Variants in ACACA observed in about 807,000 individuals in gnomAD.
ACACA encodes the protein acetyl-CoA carboxylase alpha.
In ACACA, 103 loss-of-function variants were observed where a neutral mutation model predicts 296.1. The observed-to-expected ratio is 0.35, with a 90% CI of 0.30 to 0.41. The LOEUF (loss-of-function observed/expected upper bound fraction) is 0.41, where lower values mean the gene tolerates loss of function less well. Ranked by LOEUF, ACACA falls within the 10% of genes least tolerant of loss-of-function variation. ACACA has a pLI of 1.00. For synonymous variants in ACACA, 953 were observed against 1,038.6 expected, an observed-to-expected ratio of 0.92 and a Z score of 1.58; for missense variants, 1,554 against 2,989.7, an observed-to-expected ratio of 0.52 and a Z score of 11.20.
intron 1 of ACACA, among the ~76,000 whole-genome samples, chr17:37,355,520 C>A (rs571955996): frequency 1.3e-5 from 2 of 151,750 alleles, no homozygotes; most frequent in Admixed American, 1.3e-4. Context: ...CACACCATTG[C>A]ACTCCAGCCT....
intron 1 of ACACA, among the ~76,000 whole-genome samples, chr17:37,380,603 T>G (rs2050206803): frequency 6.6e-6 from 1 of 152,040 alleles, no homozygotes; most frequent in Non-Finnish European, 1.5e-5. Flanking sequence ...TCTTTTTTTT[T>G]GTTTTTGTTT....
intron 24 of ACACA, among the ~76,000 whole-genome samples, chr17:37,239,764 C>T (rs752781668): frequency 7.2e-5 from 11 of 152,040 alleles, no homozygotes; most frequent in Non-Finnish European, 1.3e-4. Context: ...TTATTGGATG[C>T]GGTTTGCTGA....
At chr17:37,330,733 G>A (rs2047836881) in intron 2 of ACACA, among the ~76,000 whole-genome samples, 1 of 152,126 alleles carries the variant, frequency 6.6e-6, no homozygotes, top group Admixed American at 6.5e-5. Flanking sequence ...TATGATCAAT[G>A]GGGAAACCTT....
At chr17:37,402,239 C>A (rs557010552) in intron 1 of ACACA, among the ~76,000 whole-genome samples, 12 of 152,128 alleles carry the variant, frequency 7.9e-5, no homozygotes, top group Admixed American at 7.2e-4. Flanking sequence ...GTACTGGGAA[C>A]ATGTAAGAGG....
At chr17:37,314,384 C>A (rs1410988510) in intron 3 of ACACA, among the ~76,000 whole-genome samples, 1 of 152,086 alleles carries the variant, frequency 6.6e-6, no homozygotes, top group East Asian at 1.9e-4. Flanking sequence ...CAGGCATGAG[C>A]CACTGCGCCC....
chr17:37,143,503 C>A, intron 45 of ACACA: 1 of 369,772 alleles, frequency 2.7e-6, no homozygotes. Flanking sequence ...ACCACCAGGA[C>A]AGGGCTATCT....
chr17:37,143,805 A>G (rs1478522000), intron 45 of ACACA: 2 of 1,212,166 alleles, frequency 1.6e-6, no homozygotes, highest in Non-Finnish European at 2.4e-6. Flanking sequence ...GCTTTCCTTT[A>G]GCTCAATATG....
intron 29 of ACACA, among the ~76,000 whole-genome samples, chr17:37,216,857 CA>C (rs570566462): frequency 2.1e-4 from 32 of 150,672 alleles, no homozygotes; most frequent in African/African-American, 6.8e-4. Context: ...AAAACAAAAA[CA>C]AAAAAAACTC....
chr17:37,188,201 G>A (rs1189048387), intron 39 of ACACA, 76 bp downstream of exon 39: 2 of 1,376,670 alleles, frequency 1.5e-6, no homozygotes, highest in African/African-American at 2.9e-5. Context: ...GTGAGTGTGG[G>A]TCTTCTATAA....
intron 1 of ACACA, chr17:37,368,635 T>A (rs1490609893): frequency 2.0e-5 from 3 of 152,142 alleles, no homozygotes; most frequent in Admixed American, 1.3e-4. Context: ...TCCGCCCCAA[T>A]ATTTCCAGGT....
chr17:37,373,462 G>A (rs1364697576), intron 1 of ACACA, among the ~76,000 whole-genome samples: 2 of 152,046 alleles, frequency 1.3e-5, no homozygotes, highest in Non-Finnish European at 2.9e-5. Flanking sequence ...AGTCAAGCTG[G>A]TCTTGAACTC....
At chr17:37,207,027 T>A in intron 31 of ACACA, 148 bp from the exon 32 acceptor site, 1 of 750,918 alleles carries the variant, frequency 1.3e-6, no homozygotes, top group Non-Finnish European at 2.3e-6. Context: ...AGAGGTGACA[T>A]GCAAAATTTC....
chr17:37,087,006 T>A lies in ACACA; in HGVS notation c.*310A>T. On this transcript the variant is annotated 3_prime_UTR_variant, in exon 56 of 56. Transcript: ENST00000616317. ...CAGGACAGGAGGGGCAGCCCTACTTTGGTTAGTAAGACCTCATGGTACATG... is the reference window on the plus strand; with the variant it reads ...CAGGACAGGAGGGGCAGCCCTACTTAGGTTAGTAAGACCTCATGGTACATG... 1 of 441,202 alleles carries A rather than the reference T, an allele frequency of 2.3e-6. No homozygotes were observed. The highest frequency in any genetic ancestry group is 2.2e-5 in the South Asian group (1 of 46,056). 27.3% of individuals were successfully genotyped at this position (441,202 alleles called of 1,614,324 possible). A position where few individuals can be genotyped will look rare whatever the true frequency, so the allele number is the denominator to read the frequency against.
intron 19 of ACACA, 33 bp from the exon 20 acceptor site, chr17:37,245,247 T>A (rs1449268024): frequency 1.2e-6 from 2 of 1,610,504 alleles, no homozygotes; most frequent in Admixed American, 1.7e-5. Context: ...CTCAGATTTA[T>A]CTCTCTTTAC....
At chr17:37,105,068 G>A (rs1261018761) in intron 52 of ACACA, among the ~76,000 whole-genome samples, 1 of 151,772 alleles carries the variant, frequency 6.6e-6, no homozygotes, top group Non-Finnish European at 1.5e-5. Context: ...GTCAGCCCTA[G>A]TCTGTGTATG....
chr17:37,259,332 C>G, intron 12 of ACACA, 28 bp downstream of exon 12: 1 of 1,613,776 alleles, frequency 6.2e-7, no homozygotes, highest in East Asian at 2.2e-5. Flanking sequence ...CTTTTCTAGG[C>G]TCTGCAACCC....
In ACACA at chr17:37,297,232, G is replaced by A. The variant is rs540405728; in HGVS notation, c.339-12262C>T. Among the ~76,000 whole-genome samples the A allele has an allele frequency of 3.3e-5, 5 of 150,908 alleles. No homozygotes were observed. In the East Asian group the frequency reaches 6.1e-4, roughly 19 times the overall value. On this transcript the variant is annotated intron_variant, in intron 3 of 55. Transcript: ENST00000616317. The stretch of plus-strand genomic sequence containing the variant: ...CAAGGCGGGCATATCACCTGAGGTC[G>A]AGAGTTCGAGACCAGTCTGACCAAC...
intron 1 of ACACA, among the ~76,000 whole-genome samples, chr17:37,355,239 T>C (rs560509347): frequency 6.9e-6 from 1 of 145,522 alleles, no homozygotes; most frequent in East Asian, 2.1e-4. Context: ...TGAGACTCCA[T>C]CTCCAAAAAA....
Position 37,100,414 on chromosome 17 carries a change from A to T in ACACA, c.6566-2430T>A, listed in dbSNP as rs567654473. Among the ~76,000 whole-genome samples, 8 of 152,188 alleles carry T rather than the reference A, an allele frequency of 5.3e-5. No individual in the cohort carries two copies. The East Asian group carries it at 1.5e-3, about 29-fold the overall frequency. On this transcript the variant is annotated intron_variant, in intron 52 of 55. Coordinates refer to ENST00000616317, the MANE Select transcript of ACACA (RefSeq NM_198834.3). ...GATGATGTACTGAGAAGGACAGAACATGACTTCCGCAACATTCCTGCCCAA... is the reference window on the plus strand; with the variant it reads ...GATGATGTACTGAGAAGGACAGAACTTGACTTCCGCAACATTCCTGCCCAA...
Sources: allele counts gnomAD v4.1 joint callset (sites outside exome capture counted in the v4.1 genomes callset), GRCh38; gene constraint gnomAD v4.1.1; transcripts MANE v1.5; gene names NCBI Gene and HGNC (gene_info 2026-07-23, HGNC 2026-07-21).